The following SNTG1 variants were observed in gnomAD, a reference collection of about 807,000 sequenced individuals.
SNTG1 encodes gamma-1-syntrophin.
In SNTG1, 39 loss-of-function variants were observed where a neutral mutation model predicts 74.7. The ratio of observed to expected loss-of-function variants is 0.52; its 90% CI spans 0.40 to 0.68. The LOEUF (loss-of-function observed/expected upper bound fraction) is 0.68. Ranked by LOEUF, SNTG1 falls within the 30% of genes least tolerant of loss-of-function variation. The pLI, the probability that SNTG1 is intolerant of heterozygous loss-of-function variation, is 0.00. For missense variants in SNTG1, 685 were observed against 609.5 expected, an observed-to-expected ratio of 1.12 and a Z score of -1.30; for synonymous variants, 254 against 217.1, an observed-to-expected ratio of 1.17 and a Z score of -1.49.
intron 9 of SNTG1, 150 bp downstream of exon 9, chr8:50,503,030 A>T (rs1199798905): frequency 1.7e-6 from 1 of 599,040 alleles, no homozygotes; most frequent in African/African-American, 1.9e-5. Flanking sequence ...ACTAACCTTT[A>T]TGAAAAGGGA....
intron 18 of SNTG1, among the ~76,000 whole-genome samples, chr8:50,787,952 G>T (rs117186470): frequency 2.0e-5 from 3 of 151,926 alleles, no homozygotes; most frequent in African/African-American, 7.2e-5. Context: ...TCTAAAATCC[G>T]TTTACTTGCA....
intron 1 of SNTG1, among the ~76,000 whole-genome samples, chr8:50,008,579 C>G (rs1004575085): frequency 6.6e-6 from 1 of 151,816 alleles, no homozygotes; most frequent in Admixed American, 6.6e-5. Context: ...AATGAATGAA[C>G]GGATGATAGA....
chr8:49,981,814 A>AAACAATC (rs1221032550), intron 1 of SNTG1, among the ~76,000 whole-genome samples: 1 of 152,208 alleles, frequency 6.6e-6, no homozygotes, highest in Non-Finnish European at 1.5e-5. Context: ...ATTACAAACA[A>AAACAATC]AACAATCCTT....
intron 11 of SNTG1, among the ~76,000 whole-genome samples, chr8:50,551,808 A>G (rs1018491262): frequency 6.6e-6 from 1 of 152,098 alleles, no homozygotes; most frequent in African/African-American, 2.4e-5. Flanking sequence ...TTTTTTCATT[A>G]TAAAATGCTG....
intron 4 of SNTG1, among the ~76,000 whole-genome samples, chr8:50,435,907 A>G (rs2093296802): frequency 6.6e-6 from 1 of 152,286 alleles, no homozygotes; most frequent in Admixed American, 6.5e-5. Flanking sequence ...ACCAGAGATT[A>G]GAGAGTGGGC....
At chr8:50,441,354 T>C (rs180943461) in intron 5 of SNTG1, among the ~76,000 whole-genome samples, 1 of 152,324 alleles carries the variant, frequency 6.6e-6, no homozygotes, top group Admixed American at 6.5e-5. Context: ...CTTTACCTTA[T>C]ATAAGACATT....
chr8:50,597,290 T>C (rs143893689), intron 13 of SNTG1, among the ~76,000 whole-genome samples: 1,889 of 150,064 alleles, frequency 0.013, 45 homozygotes, highest in African/African-American at 0.042. Context: ...CATATATATA[T>C]ACACACACAT....
chr8:50,314,990 G>A (rs953275188), intron 2 of SNTG1, among the ~76,000 whole-genome samples: 1 of 149,424 alleles, frequency 6.7e-6, no homozygotes, highest in Non-Finnish European at 1.5e-5. Context: ...TTGATAGATT[G>A]ACAGCATTAA....
chr8:50,049,941 G>C (rs542182360), intron 1 of SNTG1, among the ~76,000 whole-genome samples: 1 of 151,808 alleles, frequency 6.6e-6, no homozygotes, highest in Admixed American at 6.6e-5. Flanking sequence ...GTCAAAATTC[G>C]TGGAATTCAG....
chr8:50,254,584 A>G (rs1042908215), intron 2 of SNTG1, among the ~76,000 whole-genome samples: 7 of 152,134 alleles, frequency 4.6e-5, no homozygotes, highest in African/African-American at 1.7e-4. Flanking sequence ...GTGGTGACTC[A>G]CACGTGAATC....
intron 15 of SNTG1, among the ~76,000 whole-genome samples, chr8:50,682,118 G>A (rs1010242556): frequency 6.6e-6 from 1 of 152,168 alleles, no homozygotes; most frequent in African/African-American, 2.4e-5. Context: ...TTCTCGGCAA[G>A]ACAATCTTTA....
At chr8:50,126,368 G>A (rs1399008895) in intron 1 of SNTG1, among the ~76,000 whole-genome samples, 3 of 152,134 alleles carry the variant, frequency 2.0e-5, no homozygotes, top group Non-Finnish European at 4.4e-5. Context: ...AGAAGAAATA[G>A]GTTTGAATGC....
At chr8:50,263,302 A>G (rs1371618816) in intron 2 of SNTG1, among the ~76,000 whole-genome samples, 6 of 152,338 alleles carry the variant, frequency 3.9e-5, no homozygotes, top group African/African-American at 1.4e-4. Flanking sequence ...AGGTAAAGAC[A>G]TGGAGTACAA....
intron 2 of SNTG1, among the ~76,000 whole-genome samples, chr8:50,246,582 A>T (rs1209495414): frequency 6.6e-6 from 1 of 152,014 alleles, no homozygotes; most frequent in Admixed American, 6.6e-5. Flanking sequence ...TGGATGCCTA[A>T]TGATTTCCCT....
chr8:50,593,270 A>G (rs1221065290), intron 13 of SNTG1, among the ~76,000 whole-genome samples: 1 of 152,184 alleles, frequency 6.6e-6, no homozygotes, highest in African/African-American at 2.4e-5. Context: ...GACAACCGCT[A>G]AGATTAGCTC....
intron 5 of SNTG1, among the ~76,000 whole-genome samples, chr8:50,441,277 G>A (rs1304167174): frequency 6.6e-6 from 1 of 152,148 alleles, no homozygotes; most frequent in Non-Finnish European, 1.5e-5. Flanking sequence ...CCTGTCTCCA[G>A]CCAGGGTACC....
At chr8:50,254,930 T>C (rs546950204) in intron 2 of SNTG1, among the ~76,000 whole-genome samples, 1 of 147,630 alleles carries the variant, frequency 6.8e-6, no homozygotes, top group Non-Finnish European at 1.5e-5. Context: ...GGAGGCTTGA[T>C]AATCTCTTTT....
At chr8:49,946,706 T>A (rs1276019171) in intron 1 of SNTG1, among the ~76,000 whole-genome samples, 1 of 152,178 alleles carries the variant, frequency 6.6e-6, no homozygotes, top group Non-Finnish European at 1.5e-5. Flanking sequence ...GTAATCTGAA[T>A]CTGGTTAATT....
chr8:50,042,553 G>A (rs898505089), intron 1 of SNTG1, among the ~76,000 whole-genome samples: 3 of 151,720 alleles, frequency 2.0e-5, no homozygotes, highest in Admixed American at 1.3e-4. Context: ...AGACAGAGAC[G>A]GTCTTTAAAA....
Sources: gnomAD v4.1 joint callset for allele counts (sites outside exome capture counted in the v4.1 genomes callset) on GRCh38, gnomAD v4.1.1 for gene constraint, MANE v1.5 for transcripts, NCBI Gene and HGNC (gene_info 2026-07-23, HGNC 2026-07-21) for gene names.